Variants in EIF3H observed in about 807,000 individuals in gnomAD.
EIF3H encodes eIF-3-gamma.
In EIF3H, 26 loss-of-function variants were observed where a neutral mutation model predicts 44.2. That is an observed-to-expected ratio of 0.59 (90% CI 0.43 to 0.82). The LOEUF (loss-of-function observed/expected upper bound fraction) is 0.82, where lower values mean the gene tolerates loss of function less well. Ranked by LOEUF, EIF3H falls within the 40% of genes least tolerant of loss-of-function variation. EIF3H has a pLI of 0.00. For synonymous variants in EIF3H, 166 were observed against 151.9 expected (o/e 1.09, Z -0.68); for missense variants, 359 against 432.8 (o/e 0.83, Z 1.51).
intron 1 of EIF3H, among the ~76,000 whole-genome samples, chr8:116,740,953 A>C (rs4876678): frequency 0.44 from 67,516 of 152,022 alleles, 18,869 homozygotes; most frequent in Non-Finnish European, 0.63. Flanking sequence ...AAATAATCCC[A>C]CTCAAACTAC....
intron 1 of EIF3H, among the ~76,000 whole-genome samples, chr8:116,732,495 A>C (rs927238294): frequency 2.8e-4 from 42 of 152,308 alleles, no homozygotes; most frequent in African/African-American, 9.4e-4. Flanking sequence ...ATGACAGGGA[A>C]CAGTTCAAAT....
upstream of EIF3H, among the ~76,000 whole-genome samples, chr8:116,756,282 C>T (rs909755280): frequency 2.0e-5 from 3 of 152,172 alleles, no homozygotes; most frequent in Non-Finnish European, 4.4e-5. Context: ...TGCTTGTAAC[C>T]ACTTAGATTA....
chr8:116,750,011 G>A (rs1815300656), intron 1 of EIF3H, among the ~76,000 whole-genome samples: 2 of 152,304 alleles, frequency 1.3e-5, no homozygotes, highest in African/African-American at 4.8e-5. Flanking sequence ...CATAGGATGA[G>A]ATTAATCTCT....
intron 5 of EIF3H, among the ~76,000 whole-genome samples, chr8:116,655,188 G>A (rs943127603): frequency 6.6e-6 from 1 of 151,642 alleles, no homozygotes; most frequent in African/African-American, 2.4e-5. Flanking sequence ...TAATAGATGA[G>A]GGGGAAATAA....
chr8:116,727,287 A>G (rs1373694881), intron 1 of EIF3H, among the ~76,000 whole-genome samples: 1 of 152,208 alleles, frequency 6.6e-6, no homozygotes, highest in Admixed American at 6.5e-5. Context: ...AGCTAAAAAA[A>G]GGCAGCAGGA....
intron 4 of EIF3H, 37 bp from the exon 5 acceptor site, chr8:116,656,042 C>G (rs1461080071): frequency 6.3e-7 from 1 of 1,599,568 alleles, no homozygotes; most frequent in African/African-American, 1.3e-5. Context: ...GTCTGATGGT[C>G]AAAAGTAAGT....
At chr8:116,684,861 T>C (rs1425081821) in intron 2 of EIF3H, among the ~76,000 whole-genome samples, 1 of 152,216 alleles carries the variant, frequency 6.6e-6, no homozygotes, top group Non-Finnish European at 1.5e-5. Context: ...TTTTAAATTG[T>C]CATATTAACA....
chr8:116,712,828 A>G (rs1814597541), intron 2 of EIF3H, among the ~76,000 whole-genome samples: 1 of 152,108 alleles, frequency 6.6e-6, no homozygotes. Flanking sequence ...ACTCAGTATT[A>G]GCACCAAAAC....
At chr8:116,677,557 C>G (rs938573032) in intron 2 of EIF3H, among the ~76,000 whole-genome samples, 2 of 152,174 alleles carry the variant, frequency 1.3e-5, no homozygotes, top group African/African-American at 4.8e-5. Flanking sequence ...ATACTGAGAG[C>G]AACAACGTTG....
chr8:116,726,664 G>GC (rs1487128407), intron 1 of EIF3H, among the ~76,000 whole-genome samples: 1 of 152,146 alleles, frequency 6.6e-6, no homozygotes, highest in East Asian at 1.9e-4. Context: ...GTCAGAGGAT[G>GC]CAACAACGGG....
intron 2 of EIF3H, among the ~76,000 whole-genome samples, chr8:116,697,894 C>A (rs1460180377): frequency 2.0e-5 from 3 of 152,180 alleles, no homozygotes; most frequent in Non-Finnish European, 4.4e-5. Flanking sequence ...CTTCCAGACA[C>A]ACAATGAACT....
At chr8:116,659,898 A>T (rs796631103) in intron 2 of EIF3H, among the ~76,000 whole-genome samples, 1 of 152,088 alleles carries the variant, frequency 6.6e-6, no homozygotes, top group African/African-American at 2.4e-5. Context: ...TATTATTATT[A>T]TTATTGACAC....
At chr8:116,697,704 T>C (rs1210635379) in intron 2 of EIF3H, among the ~76,000 whole-genome samples, 2 of 152,240 alleles carry the variant, frequency 1.3e-5, no homozygotes, top group Non-Finnish European at 2.9e-5. Flanking sequence ...CTTTTATTTG[T>C]TCTTATTAAA....
chr8:116,682,890 A>C (rs1270793250), intron 2 of EIF3H, among the ~76,000 whole-genome samples: 2 of 152,222 alleles, frequency 1.3e-5, no homozygotes, highest in Admixed American at 6.5e-5. Context: ...CTTAGATGAT[A>C]ATCATCTGAC....
chr8:116,762,164 A>G (rs1381266308), intron 1 of EIF3H, among the ~76,000 whole-genome samples: 2 of 152,262 alleles, frequency 1.3e-5, no homozygotes, highest in African/African-American at 4.8e-5. Flanking sequence ...AGGTCTCATC[A>G]AACATATTTG....
rs775329948 is a variant in EIF3H, at chr8:116,658,935, A to G, written c.335T>C (p.Ile112Thr). ...ATACCAGCCCACGTGAAGATGATCAATGTTTACATGGCGAAGGCTCCGCAT... is the reference window on the plus strand; with the variant it reads ...ATACCAGCCCACGTGAAGATGATCAGTGTTTACATGGCGAAGGCTCCGCAT... ...EMMRSLRHVN[I>T]DHLHVGWYQS... is the part of the protein sequence containing the mutation. Residue 112 changes from isoleucine to threonine, a missense_variant, in exon 3 of 8, where the codon ATT becomes ACT. Transcript: ENST00000521861. The G allele has an allele frequency of 1.9e-6, 3 of 1,613,654 alleles. No homozygotes were observed. The highest frequency in any genetic ancestry group is 2.2e-5 in the East Asian group (1 of 44,860).
chr8:116,709,727 A>G (rs1253850282), intron 2 of EIF3H, among the ~76,000 whole-genome samples: 1 of 152,240 alleles, frequency 6.6e-6, no homozygotes, highest in Admixed American at 6.5e-5. Context: ...TTGTTTCCAA[A>G]AAGACTCCAT....
At chr8:116,705,917 G>A (rs889616864) in intron 2 of EIF3H, among the ~76,000 whole-genome samples, 8 of 150,702 alleles carry the variant, frequency 5.3e-5, no homozygotes, top group Non-Finnish European at 7.4e-5. Flanking sequence ...TCTTTGCAAC[G>A]TTTCAGTAAA....
chr8:116,729,779 CAAA>C (rs1210803403), intron 1 of EIF3H, among the ~76,000 whole-genome samples: 1 of 152,000 alleles, frequency 6.6e-6, no homozygotes, highest in Admixed American at 6.6e-5. Flanking sequence ...AAGGGACACT[CAAA>C]AAAAGCACTT....
Sources: gnomAD v4.1 joint callset for allele counts (sites outside exome capture counted in the v4.1 genomes callset) on GRCh38, gnomAD v4.1.1 for gene constraint, MANE v1.5 for transcripts, NCBI Gene and HGNC (gene_info 2026-07-23, HGNC 2026-07-21) for gene names.